The following IMPG1 variants were observed in gnomAD, a reference collection of about 807,000 sequenced individuals.
IMPG1 encodes the protein interphotoreceptor matrix proteoglycan of 150 kDa.
In IMPG1, 85 loss-of-function variants were observed where a neutral mutation model predicts 92.0. That is an observed-to-expected ratio of 0.92 (90% CI 0.78 to 1.11). The LOEUF is 1.11. IMPG1 is among the 50% of genes least tolerant of loss of function. The probability of loss-of-function intolerance (pLI) is 0.00; values close to 1 mark genes in which losing one functional copy is unlikely to be tolerated. For missense variants in IMPG1, 1,022 were observed against 956.0 expected (o/e 1.07, Z -0.91); for synonymous variants, 367 against 334.1 (o/e 1.10, Z -1.08).
chr6:75,937,406 A>T (rs1781763710), intron 14 of IMPG1, among the ~76,000 whole-genome samples: 1 of 152,210 alleles, frequency 6.6e-6, no homozygotes, highest in Admixed American at 6.5e-5. Context: ...AGCCTCTATA[A>T]CCCAGTTAGA....
Position 75,931,133 on chromosome 6 carries a change from C to T in IMPG1, c.2063G>A (p.Cys688Tyr). ...NIEPADQADPCKFLACGEFAQ... is the reference protein window; with the variant it reads ...NIEPADQADPYKFLACGEFAQ... The stretch of plus-strand genomic sequence containing the variant: ...AAATTCGCCGCAGGCCAGGAACTTG[C>T]AGGGATCTGCTTGATCAGCTGTAAG... The change falls in exon 15 of 17, where the codon TGC becomes TAC. Residue 688 changes from cysteine (C) to tyrosine (Y), a missense_variant. Physicochemically the swap from Cys to Tyr is radical, Grantham distance 194. This residue lies in a region of IMPG1 where 332 missense variants were observed against 346.2 expected (regional missense o/e 0.96). Transcript: ENST00000369950. The T allele has an allele frequency of 6.2e-7, 1 of 1,613,250 alleles. No individual in the cohort carries two copies. The highest frequency in any genetic ancestry group is 8.5e-7 in the Non-Finnish European group (1 of 1,179,566).
At chr6:75,929,312 TTG>T (rs1188138662) in intron 15 of IMPG1, among the ~76,000 whole-genome samples, 1 of 152,180 alleles carries the variant, frequency 6.6e-6, no homozygotes, top group Non-Finnish European at 1.5e-5. Flanking sequence ...CTAATTGTTT[TTG>T]GATTTCCCTG....
intron 12 of IMPG1, among the ~76,000 whole-genome samples, chr6:76,001,832 C>T (rs1363418194): frequency 1.3e-5 from 2 of 152,172 alleles, no homozygotes; most frequent in African/African-American, 4.8e-5. Context: ...TGTAATGCAG[C>T]AATAAATAAC....
chr6:76,033,025 T>C (rs1783677585), intron 4 of IMPG1, among the ~76,000 whole-genome samples: 1 of 152,014 alleles, frequency 6.6e-6, no homozygotes, highest in Admixed American at 6.5e-5. Flanking sequence ...ATTTATGAAG[T>C]TGTGTGAAGA....
At chr6:75,931,385 T>G (rs1562337941) in intron 14 of IMPG1, among the ~76,000 whole-genome samples, 1 of 152,212 alleles carries the variant, frequency 6.6e-6, no homozygotes, top group African/African-American at 2.4e-5. Context: ...CAACCTTTAG[T>G]GTGCATCAGA....
intron 12 of IMPG1, among the ~76,000 whole-genome samples, chr6:75,983,479 G>T (rs1429513440): frequency 6.6e-6 from 1 of 152,080 alleles, no homozygotes; most frequent in Non-Finnish European, 1.5e-5. Context: ...AATGGGGAAA[G>T]GACAGTCTCT....
intron 7 of IMPG1, among the ~76,000 whole-genome samples, chr6:76,015,800 C>CAAAAAAAAAA (rs35389302): frequency 3.1e-4 from 21 of 66,708 alleles, no homozygotes; most frequent in Non-Finnish European, 4.3e-4. Flanking sequence ...AACTCTGTCT[C>CAAAAAAAAAA]AAAAAAAAAA....
In IMPG1 at chr6:75,950,662, A is replaced by G. The variant is rs1782008950; in HGVS notation, c.1724T>C (p.Val575Ala). The G allele has an allele frequency of 1.9e-6, 3 of 1,613,794 alleles. No individual in the cohort carries two copies. The highest frequency in any genetic ancestry group is 1.7e-5 in the Admixed American group (1 of 59,950). ...GTTAGCAACACGCAGACTGAAGAAC[A>G]CTACCAGCTCTCGGCCCTTGGGGGC... is the stretch of plus-strand genomic sequence containing the variant. The part of the protein sequence containing the change: ...TIAPKGRELV[V>A]FFSLRVANMA... The change falls in exon 13 of 17, where the codon GTG becomes GCG. Residue 575 changes from valine to alanine, a missense_variant. Coordinates refer to ENST00000369950, the MANE Select transcript of IMPG1 (RefSeq NM_001563.4).
intron 4 of IMPG1, among the ~76,000 whole-genome samples, chr6:76,029,145 G>C (rs1783609280): frequency 6.6e-6 from 1 of 152,186 alleles, no homozygotes. Flanking sequence ...CAGGGTTCTT[G>C]ACCTATGGTC....
chr6:76,011,975 A>T (rs1042504731), intron 7 of IMPG1, among the ~76,000 whole-genome samples: 1 of 152,014 alleles, frequency 6.6e-6, no homozygotes, highest in African/African-American at 2.4e-5. Context: ...GACTATAATT[A>T]TAACTAGAGT....
Position 76,005,234 on chromosome 6 carries a change from T to A in IMPG1, c.1135+53A>T, listed in dbSNP as rs1783072702. ...CAGTTTCCATGAGACATTCACATTC[T>A]TAGTCTCTGCCAAAATGAGAATAAA... On this transcript the variant is annotated intron_variant, in intron 10 of 16. Coordinates refer to ENST00000369950, the MANE Select transcript of IMPG1 (RefSeq NM_001563.4). The A allele has an allele frequency of 5.7e-6, 9 of 1,579,214 alleles. No homozygotes were observed. In the South Asian group the frequency reaches 1.0e-4, roughly 18 times the overall value.
intron 12 of IMPG1, among the ~76,000 whole-genome samples, chr6:75,994,069 C>T (rs1013085584): frequency 2.0e-5 from 3 of 152,146 alleles, no homozygotes; most frequent in East Asian, 1.9e-4. Context: ...TAGCAGGATA[C>T]AAATACCACT....
intron 12 of IMPG1, among the ~76,000 whole-genome samples, chr6:75,974,391 C>CTTT (rs1185602629): frequency 3.7e-5 from 2 of 54,776 alleles, no homozygotes; most frequent in African/African-American, 1.3e-4. Flanking sequence ...TTCTTTCTTT[C>CTTT]TTTTCTTTCT....
intron 12 of IMPG1, among the ~76,000 whole-genome samples, chr6:75,952,225 C>T (rs1323406064): frequency 1.3e-5 from 2 of 152,128 alleles, no homozygotes; most frequent in African/African-American, 2.4e-5. Context: ...GTGAACAAAA[C>T]AGGGAGCTTT....
At chr6:76,003,058 G>A in intron 11 of IMPG1, 62 bp from the exon 12 acceptor site, 2 of 1,178,370 alleles carry the variant, frequency 1.7e-6, no homozygotes, top group Non-Finnish European at 2.5e-6. Flanking sequence ...TATGAGAAGG[G>A]CTATACCCAT....
Position 76,066,788 on chromosome 6 carries a change from C to T in IMPG1, c.67+5634G>A, listed in dbSNP as rs1055650235. 6.6e-5 allele frequency among the ~76,000 whole-genome samples: 10 copies of T among 152,100 alleles called. No individual in the cohort carries two copies. The East Asian group carries it at 1.9e-3, about 29-fold the overall frequency. ...TGCATGGAACATTTTCCAAGAAAAA[C>T]CGTATGTCAGACCACAAAACAAGAA... On this transcript the variant is annotated intron_variant, in intron 1 of 16. Coordinates refer to ENST00000369950, the MANE Select transcript of IMPG1 (RefSeq NM_001563.4).
At position 76,029,681 on chromosome 6, in the gene IMPG1, C is replaced by T. The variant is rs567754749; in HGVS notation, c.498-4423G>A. Among the ~76,000 whole-genome samples, 3 of 152,224 alleles carry T rather than the reference C, an allele frequency of 2.0e-5. No individual in the cohort carries two copies. In the South Asian group the frequency reaches 6.2e-4, roughly 32 times the overall value. The stretch of plus-strand genomic sequence containing the variant: ...CTGAGCAATTATCCTGCAAATCCTG[C>T]CAGGTGATGGAATAAATAGGGAATA... On this transcript the variant is annotated intron_variant, in intron 4 of 16. Transcript: ENST00000369950.
At chr6:76,009,220 T>C (rs1239901847) in intron 8 of IMPG1, among the ~76,000 whole-genome samples, 4 of 152,196 alleles carry the variant, frequency 2.6e-5, no homozygotes, top group African/African-American at 9.7e-5. Context: ...TGCATGATTG[T>C]TAATAGTTTT....
intron 14 of IMPG1, among the ~76,000 whole-genome samples, chr6:75,941,552 T>A (rs1781836731): frequency 6.6e-6 from 1 of 152,236 alleles, no homozygotes; most frequent in Non-Finnish European, 1.5e-5. Flanking sequence ...TTTCAATGCC[T>A]AAAATATTTA....
Sources: allele counts gnomAD v4.1 joint callset (sites outside exome capture counted in the v4.1 genomes callset), GRCh38; gene constraint gnomAD v4.1.1; regional missense constraint gnomAD v4.1.1; transcripts MANE v1.5; gene names NCBI Gene and HGNC (gene_info 2026-07-23, HGNC 2026-07-21).